Variants in DPYD observed in about 807,000 individuals in gnomAD.
DPYD encodes dihydropyrimidine dehydrogenase [NADP(+)].
In DPYD, 109 loss-of-function variants were observed where a neutral mutation model predicts 116.2. The observed-to-expected ratio is 0.94, with a 90% CI of 0.80 to 1.10. The LOEUF is 1.10. Ranked by LOEUF, DPYD falls within the 50% of genes least tolerant of loss-of-function variation. The pLI is 0.00. For synonymous variants in DPYD, 440 were observed against 432.0 expected (o/e 1.02, Z -0.23); for missense variants, 1,302 against 1,254.5 (o/e 1.04, Z -0.57).
intron 3 of DPYD, among the ~76,000 whole-genome samples, chr1:97,793,330 T>TA (rs1667407212): frequency 1.3e-5 from 2 of 152,220 alleles, no homozygotes; most frequent in African/African-American, 2.4e-5. Flanking sequence ...ATCAAAATCC[T>TA]AGCAGATGCT....
At chr1:97,271,900 C>T (rs941884074) in intron 18 of DPYD, among the ~76,000 whole-genome samples, 1 of 152,192 alleles carries the variant, frequency 6.6e-6, no homozygotes, top group African/African-American at 2.4e-5. Flanking sequence ...TCAATAACTG[C>T]AGCTTCAGTT....
rs563301291 is a variant in DPYD, at chr1:97,082,107, A to G, written c.2907+223T>C. ...GTGGCTGATGAAATGGTATAAAAAT[A>G]ATTCTGTGCATTAAATGCTGGCATA... On this transcript the variant is annotated intron_variant, in intron 22 of 22. Coordinates refer to ENST00000370192, the MANE Select transcript of DPYD (RefSeq NM_000110.4). 4.6e-5 allele frequency among the ~76,000 whole-genome samples: 7 copies of G among 152,286 alleles called. No homozygotes were observed. In the South Asian group the frequency reaches 1.2e-3, roughly 27 times the overall value.
At chr1:97,253,521 C>T (rs1194739664) in intron 18 of DPYD, among the ~76,000 whole-genome samples, 2 of 152,076 alleles carry the variant, frequency 1.3e-5, no homozygotes, top group Non-Finnish European at 2.9e-5. Context: ...AAGTGTTTCC[C>T]TTTAATTTCC....
At chr1:97,698,028 CTG>C (rs954667642) in intron 6 of DPYD, among the ~76,000 whole-genome samples, 1 of 151,824 alleles carries the variant, frequency 6.6e-6, no homozygotes, top group African/African-American at 2.4e-5. Flanking sequence ...ATTAATAAAG[CTG>C]TGGTAAATAC....
intron 3 of DPYD, among the ~76,000 whole-genome samples, chr1:97,793,634 G>A (rs180941051): frequency 8.3e-4 from 126 of 151,844 alleles, no homozygotes; most frequent in Non-Finnish European, 1.5e-3. Context: ...AAAACAATTG[G>A]ATGCCCATAT....
chr1:97,551,667 T>C (rs2102093415), intron 11 of DPYD, among the ~76,000 whole-genome samples: 1 of 152,272 alleles, frequency 6.6e-6, no homozygotes, highest in South Asian at 2.1e-4. Flanking sequence ...GAGATTTCAT[T>C]CTATGCTTGA....
intron 19 of DPYD, among the ~76,000 whole-genome samples, chr1:97,228,156 T>C (rs948562628): frequency 2.6e-5 from 4 of 151,928 alleles, no homozygotes; most frequent in African/African-American, 9.6e-5. Flanking sequence ...TTTTTTTTTT[T>C]AATTCACAGA....
rs1379574105 is a variant in DPYD, at chr1:97,895,767, C to G, written c.40-12393G>C. The stretch of plus-strand genomic sequence containing the variant: ...ATGCATACAATTACTATTTAAGCTA[C>G]TTTTATTTCCTTAATAAGTAATATT... On this transcript the variant is annotated intron_variant, in intron 1 of 22. Coordinates refer to ENST00000370192, the MANE Select transcript of DPYD (RefSeq NM_000110.4). Among the ~76,000 whole-genome samples the G allele has an allele frequency of 1.1e-4, 17 of 151,640 alleles. 1 individual carries two copies.
chr1:97,708,853 T>C (rs1450206066), intron 5 of DPYD, among the ~76,000 whole-genome samples: 2 of 151,960 alleles, frequency 1.3e-5, no homozygotes, highest in East Asian at 1.9e-4. Flanking sequence ...ATTATACCTA[T>C]TTCATTAGAT....
chr1:97,755,658 A>G (rs911547406), intron 3 of DPYD, among the ~76,000 whole-genome samples: 3 of 152,100 alleles, frequency 2.0e-5, no homozygotes, highest in African/African-American at 7.2e-5. Context: ...CCACAACACA[A>G]TATCATAAAA....
chr1:97,540,493 C>T (rs1468671950), intron 12 of DPYD, among the ~76,000 whole-genome samples: 1 of 152,148 alleles, frequency 6.6e-6, no homozygotes, highest in Non-Finnish European at 1.5e-5. Context: ...GAAAGGGCCC[C>T]CAGAGCAGAA....
intron 3 of DPYD, among the ~76,000 whole-genome samples, chr1:97,818,881 T>C (rs188775167): frequency 1.3e-3 from 198 of 152,112 alleles, no homozygotes; most frequent in African/African-American, 4.6e-3. Flanking sequence ...TGCCTGTGTA[T>C]ATAGGTGTAT....
At chr1:97,156,780 G>C (rs1253883573) in intron 20 of DPYD, among the ~76,000 whole-genome samples, 2 of 151,812 alleles carry the variant, frequency 1.3e-5, no homozygotes, top group Non-Finnish European at 2.9e-5. Context: ...TATACCCAAA[G>C]GACTATAAAT....
chr1:97,523,142 A>G (rs746714895), intron 12 of DPYD, among the ~76,000 whole-genome samples: 4 of 152,152 alleles, frequency 2.6e-5, no homozygotes, highest in African/African-American at 7.2e-5. Flanking sequence ...AGAAAACTAC[A>G]AAAGGAAAAG....
At chr1:97,395,517 C>T (rs1414969208) in intron 14 of DPYD, among the ~76,000 whole-genome samples, 1 of 151,986 alleles carries the variant, frequency 6.6e-6, no homozygotes, top group Non-Finnish European at 1.5e-5. Context: ...AAGTTCCTCT[C>T]TACTACATCA....
At chr1:97,704,817 T>G (rs1187881525) in intron 5 of DPYD, among the ~76,000 whole-genome samples, 1 of 152,022 alleles carries the variant, frequency 6.6e-6, no homozygotes, top group Non-Finnish European at 1.5e-5. Context: ...ATTTAATTTT[T>G]AAGTTGAAGG....
intron 3 of DPYD, among the ~76,000 whole-genome samples, chr1:97,784,122 G>A (rs976415403): frequency 1.3e-5 from 2 of 152,092 alleles, no homozygotes; most frequent in Non-Finnish European, 2.9e-5. Context: ...GACTTCATTT[G>A]ATTTTCTATT....
chr1:97,317,316 A>C (rs188059071), intron 16 of DPYD, among the ~76,000 whole-genome samples: 9 of 152,118 alleles, frequency 5.9e-5, no homozygotes, highest in Admixed American at 5.2e-4. Context: ...GTAGGTGTTC[A>C]AAATTGTGGA....
intron 13 of DPYD, among the ~76,000 whole-genome samples, chr1:97,473,655 G>C (rs1030343945): frequency 2.0e-5 from 3 of 152,132 alleles, no homozygotes; most frequent in African/African-American, 7.2e-5. Context: ...TGAAGGTGTG[G>C]AGAAAAGGGA....
Sources: gnomAD v4.1 joint callset for allele counts (sites outside exome capture counted in the v4.1 genomes callset) on GRCh38, gnomAD v4.1.1 for gene constraint, MANE v1.5 for transcripts, NCBI Gene and HGNC (gene_info 2026-07-23, HGNC 2026-07-21) for gene names.